Variants in TMED3 observed in about 807,000 individuals in gnomAD.
The protein encoded by TMED3 is transmembrane emp24 domain-containing protein 3.
A neutral mutation model predicts 15.0 loss-of-function variants in TMED3; 9 were observed. The observed-to-expected ratio is 0.60, with a 90% CI of 0.36 to 1.04. The LOEUF (loss-of-function observed/expected upper bound fraction) is 1.04, where lower values mean the gene tolerates loss of function less well. Ranked by LOEUF, TMED3 falls within the 50% of genes least tolerant of loss-of-function variation. The pLI, the probability that TMED3 is intolerant of heterozygous loss-of-function variation, is 0.01. For synonymous variants in TMED3, 117 were observed against 121.4 expected (o/e 0.96, Z 0.24); for missense variants, 267 against 278.9 (o/e 0.96, Z 0.30).
At chr15:79,337,019 C>T (rs374763937) in intron 2 of TMED3, among the ~76,000 whole-genome samples, 2 of 152,200 alleles carry the variant, frequency 1.3e-5, no homozygotes, top group East Asian at 3.8e-4. Context: ...CTCACTACTA[C>T]CAAGCCTGTA....
In TMED3 at chr15:79,313,972, A is replaced by C. The variant is rs779807777; in HGVS notation, c.384A>C (p.Pro128=). ...FQVGDEPPIL[P]DMGNRVTALT... ...TGGGCGATGAGCCTCCCATTCTCCC[A>C]GACATGGGGAACAGGGTCACAGCTC... The change falls in exon 2 of 3, where the codon CCA becomes CCC. Residue 128 remains proline (P), a synonymous_variant. Coordinates refer to ENST00000299705, the MANE Select transcript of TMED3 (RefSeq NM_007364.4). 25 of 1,614,010 alleles carry C rather than the reference A, an allele frequency of 1.5e-5. No individual in the cohort carries two copies.
chr15:79,365,113 C>A (rs1347872757), intron 2 of TMED3, among the ~76,000 whole-genome samples: 1 of 152,256 alleles, frequency 6.6e-6, no homozygotes, highest in Non-Finnish European at 1.5e-5. Context: ...ACAGGCGATT[C>A]ACACCCCTGC....
At chr15:79,382,898 C>A in intron 2 of TMED3, 1 of 1,422,930 alleles carries the variant, frequency 7.0e-7, no homozygotes, top group Non-Finnish European at 9.6e-7. Flanking sequence ...CTTACCAACA[C>A]AATATAGTCT....
intron 2 of TMED3, among the ~76,000 whole-genome samples, chr15:79,317,320 C>G (rs1217226870): frequency 3.3e-5 from 5 of 152,222 alleles, no homozygotes; most frequent in African/African-American, 1.2e-4. Flanking sequence ...CCTGTGATTT[C>G]TGTGTCCTCC....
At chr15:79,370,651 A>G (rs8034762) in intron 2 of TMED3, among the ~76,000 whole-genome samples, 16,933 of 152,080 alleles carry the variant, frequency 0.11, 1,008 homozygotes, top group Admixed American at 0.14. Flanking sequence ...GTCTGATTTT[A>G]TGACCTCCTA....
At chr15:79,383,315 C>G (rs1893569395) in intron 2 of TMED3, 3 of 377,718 alleles carry the variant, frequency 7.9e-6, no homozygotes, top group Non-Finnish European at 1.4e-5. Flanking sequence ...TCCTTTGTGC[C>G]CTTAGATGGA....
intron 2 of TMED3, among the ~76,000 whole-genome samples, chr15:79,328,312 T>G (rs1254396749): frequency 6.6e-6 from 1 of 152,020 alleles, no homozygotes; most frequent in Non-Finnish European, 1.5e-5. Context: ...GAAAAGAAAA[T>G]ATATTTGAGT....
intron 2 of TMED3, among the ~76,000 whole-genome samples, chr15:79,389,257 G>A (rs1368164765): frequency 2.0e-5 from 3 of 152,054 alleles, no homozygotes; most frequent in African/African-American, 2.4e-5. Flanking sequence ...ATCTGGAGTC[G>A]ATTTTTGTAT....
chr15:79,361,254 G>T (rs12913161), intron 2 of TMED3, among the ~76,000 whole-genome samples: 145,387 of 152,334 alleles, frequency 0.95, 69,793 homozygotes, highest in East Asian at 1. Flanking sequence ...CTTAGGTTTC[G>T]GTAGCCTAAG....
chr15:79,364,221 C>T (rs184071545), intron 2 of TMED3, among the ~76,000 whole-genome samples: 4 of 152,148 alleles, frequency 2.6e-5, no homozygotes, highest in Non-Finnish European at 5.9e-5. Context: ...GTATAAGGCA[C>T]GAATTCCTGG....
chr15:79,315,457 T>C (rs2058736624), intron 2 of TMED3, among the ~76,000 whole-genome samples: 1 of 152,204 alleles, frequency 6.6e-6, no homozygotes, highest in African/African-American at 2.4e-5. Flanking sequence ...TTGCAACCGA[T>C]ACTCATGAGA....
chr15:79,401,369 C>A (rs1595911605), intron 2 of TMED3, among the ~76,000 whole-genome samples: 1 of 152,082 alleles, frequency 6.6e-6, no homozygotes, highest in East Asian at 1.9e-4. Context: ...ATTTTCTTTA[C>A]AGGAGTGTGA....
chr15:79,342,737 GT>G (rs2058855992), intron 2 of TMED3, among the ~76,000 whole-genome samples: 1 of 152,160 alleles, frequency 6.6e-6, no homozygotes, highest in Non-Finnish European at 1.5e-5. Context: ...AATTAATTAA[GT>G]AGTTAATAAC....
intron 2 of TMED3, among the ~76,000 whole-genome samples, chr15:79,348,005 G>A (rs2058877528): frequency 6.6e-6 from 1 of 152,180 alleles, no homozygotes; most frequent in African/African-American, 2.4e-5. Flanking sequence ...TCCAAAGTGT[G>A]GAGAATGATG....
chr15:79,398,107 C>A (rs939658270), intron 2 of TMED3, among the ~76,000 whole-genome samples: 1 of 152,068 alleles, frequency 6.6e-6, no homozygotes, highest in Admixed American at 6.5e-5. Flanking sequence ...AGAGTAGTTT[C>A]ACTGCCCTAA....
At chr15:79,357,670 A>G (rs1263187371) in intron 2 of TMED3, among the ~76,000 whole-genome samples, 1 of 151,966 alleles carries the variant, frequency 6.6e-6, no homozygotes, top group Non-Finnish European at 1.5e-5. Flanking sequence ...GCCACTGTAG[A>G]GGGAGCTGGC....
chr15:79,410,698 G>GTATATATATA lies in TMED3; in HGVS notation c.418-693_418-684dup, dbSNP rs71150909. Reference sequence around the variant, plus strand: ...TATATATATGTGTATATGTGTGTGTGTATATATATATATATATACATTCTC... The same window carrying GTATATATATA: ...TATATATATGTGTATATGTGTGTGTGTATATATATATATATATATATATATATACATTCTC... On this transcript the variant is annotated intron_variant, in intron 2 of 2. Coordinates refer to the TMED3 transcript ENST00000424155. 1.3e-3 allele frequency among the ~76,000 whole-genome samples: 188 copies of GTATATATATA among 148,986 alleles called. 1 individual carries two copies. Among genetic ancestry groups the GTATATATATA allele is most frequent in the African/African-American group, 4.3e-3 (174 of 40,544 alleles).
intron 2 of TMED3, among the ~76,000 whole-genome samples, chr15:79,381,745 T>G (rs60018534): frequency 0.033 from 5,017 of 152,288 alleles, 266 homozygotes; most frequent in African/African-American, 0.11. Context: ...ATTTGCCTGA[T>G]TCTTTCACTG....
chr15:79,333,582 T>C (rs1485145188), intron 2 of TMED3, among the ~76,000 whole-genome samples: 8 of 152,230 alleles, frequency 5.3e-5, no homozygotes, highest in Admixed American at 5.2e-4. Context: ...TCTTCAGATA[T>C]GGCTTCTGCA....
Sources: allele counts gnomAD v4.1 joint callset (sites outside exome capture counted in the v4.1 genomes callset), GRCh38; gene constraint gnomAD v4.1.1; transcripts MANE v1.5; gene names NCBI Gene and HGNC (gene_info 2026-07-23, HGNC 2026-07-21).